Variants in ANGPT1 observed in about 807,000 individuals in gnomAD.
The protein encoded by ANGPT1 is angiopoietin-1.
Under a neutral mutation model 62.2 loss-of-function variants are expected in ANGPT1, and 17 were observed. That is an observed-to-expected ratio of 0.27 (90% CI 0.19 to 0.41). The LOEUF (loss-of-function observed/expected upper bound fraction) is 0.41, where lower values mean the gene tolerates loss of function less well. Ranked by LOEUF, ANGPT1 falls within the 10% of genes least tolerant of loss-of-function variation. ANGPT1 has a pLI of 1.00. For missense variants in ANGPT1, 478 were observed against 594.9 expected, an observed-to-expected ratio of 0.80 and a Z score of 2.04; for synonymous variants, 199 against 198.9, an observed-to-expected ratio of 1.00 and a Z score of 0.00.
intron 2 of ANGPT1, among the ~76,000 whole-genome samples, chr8:107,345,393 G>A (rs184590905): frequency 2.1e-4 from 32 of 152,114 alleles, no homozygotes; most frequent in African/African-American, 7.2e-4. Context: ...TAACAGTTTG[G>A]AGATTAACGT....
At chr8:107,291,981 T>C (rs551906316) in intron 6 of ANGPT1, among the ~76,000 whole-genome samples, 4 of 151,962 alleles carry the variant, frequency 2.6e-5, no homozygotes, top group African/African-American at 9.7e-5. Flanking sequence ...TGGTCAAATT[T>C]TGCCTTCTTG....
chr8:107,459,204 C>G (rs1812000929), intron 1 of ANGPT1, among the ~76,000 whole-genome samples: 1 of 152,090 alleles, frequency 6.6e-6, no homozygotes, highest in Admixed American at 6.6e-5. Flanking sequence ...CTCCATGGAG[C>G]TTTTAAAACA....
At chr8:107,300,857 C>T (rs533407327) in intron 5 of ANGPT1, among the ~76,000 whole-genome samples, 1 of 152,042 alleles carries the variant, frequency 6.6e-6, no homozygotes, top group African/African-American at 2.4e-5. Context: ...TCTTGCTTTC[C>T]TGATGAAACC....
intron 1 of ANGPT1, among the ~76,000 whole-genome samples, chr8:107,390,805 A>G (rs1361458688): frequency 2.0e-5 from 3 of 152,202 alleles, no homozygotes; most frequent in Admixed American, 2.0e-4. Context: ...TGAGTCACAG[A>G]AAGATTCAGT....
chr8:107,261,731 A>G (rs1218754617), intron 8 of ANGPT1, among the ~76,000 whole-genome samples: 1 of 151,924 alleles, frequency 6.6e-6, no homozygotes, highest in Non-Finnish European at 1.5e-5. Context: ...GAAAGAAAGA[A>G]TATGATAGAA....
chr8:107,467,913 G>C (rs1014844245), intron 1 of ANGPT1, among the ~76,000 whole-genome samples: 2 of 152,086 alleles, frequency 1.3e-5, no homozygotes, highest in Non-Finnish European at 2.9e-5. Context: ...CTAAAGCCTA[G>C]ATGTTAGACA....
At chr8:107,318,221 G>A (rs1376370324) in intron 4 of ANGPT1, among the ~76,000 whole-genome samples, 1 of 152,174 alleles carries the variant, frequency 6.6e-6, no homozygotes, top group Non-Finnish European at 1.5e-5. Context: ...CAAAGTGGAT[G>A]CAATTCAGTT....
chr8:107,489,130 A>T (rs913864597), intron 1 of ANGPT1, among the ~76,000 whole-genome samples: 4 of 152,200 alleles, frequency 2.6e-5, no homozygotes, highest in African/African-American at 9.6e-5. Context: ...ATCCTTCAAA[A>T]TTATCATAAG....
chr8:107,496,369 G>A (rs1035064598), intron 1 of ANGPT1, among the ~76,000 whole-genome samples: 1 of 152,206 alleles, frequency 6.6e-6, no homozygotes, highest in African/African-American at 2.4e-5. Flanking sequence ...TAAATGGTTT[G>A]TAGATAAATA....
chr8:107,487,435 T>G (rs1812843192), intron 1 of ANGPT1, among the ~76,000 whole-genome samples: 1 of 152,044 alleles, frequency 6.6e-6, no homozygotes, highest in East Asian at 1.9e-4. Flanking sequence ...AGAAAAAATA[T>G]TAGAACTTTC....
At chr8:107,371,428 G>GA (rs1228262821) in intron 1 of ANGPT1, among the ~76,000 whole-genome samples, 1 of 152,076 alleles carries the variant, frequency 6.6e-6, no homozygotes, top group East Asian at 1.9e-4. Context: ...AGTTGAACCA[G>GA]AAAAAAGAAG....
chr8:107,491,910 A>G (rs2130542868), intron 1 of ANGPT1, among the ~76,000 whole-genome samples: 1 of 152,306 alleles, frequency 6.6e-6, no homozygotes, highest in East Asian at 1.9e-4. Flanking sequence ...GTCAGGGGTA[A>G]GGAAGAACTG....
intron 2 of ANGPT1, among the ~76,000 whole-genome samples, chr8:107,340,657 TGTA>T (rs1406345148): frequency 6.2e-5 from 8 of 128,392 alleles, no homozygotes; most frequent in African/African-American, 2.4e-4. Context: ...AGCAATTGTT[TGTA>T]TTTTTTTTTT....
intron 5 of ANGPT1, among the ~76,000 whole-genome samples, chr8:107,299,018 A>G (rs972287170): frequency 6.6e-6 from 1 of 151,650 alleles, no homozygotes; most frequent in Non-Finnish European, 1.5e-5. Context: ...TTATTTCAAG[A>G]TGGAAAAAAC....
chr8:107,291,301 T>C (rs568770031), intron 6 of ANGPT1, among the ~76,000 whole-genome samples: 102 of 152,306 alleles, frequency 6.7e-4, no homozygotes, highest in African/African-American at 2.1e-3. Context: ...GTGAGGCAGG[T>C]GAAGTATTAT....
At chr8:107,330,571 T>C (rs931247475) in intron 3 of ANGPT1, among the ~76,000 whole-genome samples, 1 of 152,188 alleles carries the variant, frequency 6.6e-6, no homozygotes, top group African/African-American at 2.4e-5. Context: ...GAAAATAGTC[T>C]GACTTGCATT....
chr8:107,401,338 A>G (rs2130331574), intron 1 of ANGPT1, among the ~76,000 whole-genome samples: 1 of 152,124 alleles, frequency 6.6e-6, no homozygotes, highest in South Asian at 2.1e-4. Flanking sequence ...TTTAAAGTGT[A>G]ACATTCAGAT....
At chr8:107,286,410 T>G (rs1168873755) in intron 6 of ANGPT1, among the ~76,000 whole-genome samples, 2 of 152,134 alleles carry the variant, frequency 1.3e-5, no homozygotes, top group African/African-American at 4.8e-5. Context: ...TTAAAGAATT[T>G]TTAACATATT....
intron 1 of ANGPT1, among the ~76,000 whole-genome samples, chr8:107,357,885 T>C (rs1438187824): frequency 6.6e-6 from 1 of 152,198 alleles, no homozygotes; most frequent in East Asian, 1.9e-4. Context: ...AAATCAAATC[T>C]CTTTCAATAA....
Sources: gnomAD v4.1 joint callset for allele counts (sites outside exome capture counted in the v4.1 genomes callset) on GRCh38, gnomAD v4.1.1 for gene constraint, MANE v1.5 for transcripts, NCBI Gene and HGNC (gene_info 2026-07-23, HGNC 2026-07-21) for gene names.